Variants in MOXD1 observed in about 807,000 individuals in gnomAD.
The protein encoded by MOXD1 is monooxygenase DBH like 1, also known as DBH-like monooxygenase protein 1.
In MOXD1, 62 loss-of-function variants were observed where a neutral mutation model predicts 66.6. The ratio of observed to expected loss-of-function variants is 0.93; its 90% CI spans 0.76 to 1.15. The LOEUF (loss-of-function observed/expected upper bound fraction) is 1.15, where lower values mean the gene tolerates loss of function less well. MOXD1 is among the 50% of genes most tolerant of loss of function. The probability of loss-of-function intolerance (pLI) is 0.00; values close to 1 mark genes in which losing one functional copy is unlikely to be tolerated. For synonymous variants in MOXD1, 303 were observed against 281.9 expected (o/e 1.07, Z -0.75); for missense variants, 847 against 754.6 (o/e 1.12, Z -1.44).
chr6:132,365,023 C>T lies in MOXD1; in HGVS notation c.663+7585G>A, dbSNP rs542479428. 1.3e-4 allele frequency among the ~76,000 whole-genome samples: 20 copies of T among 152,226 alleles called. No individual in the cohort carries two copies. The South Asian group carries it at 4.2e-3, about 32-fold the overall frequency. On this transcript the variant is annotated intron_variant, in intron 4 of 11. Coordinates refer to ENST00000367963, the MANE Select transcript of MOXD1 (RefSeq NM_015529.4). ...GTTGTGAATACTTTACATTTGCAGC[C>T]TTTCTGTGTTTAGAACCAGCTGTTC...
At chr6:132,393,758 A>G (rs1335751233) in intron 1 of MOXD1, among the ~76,000 whole-genome samples, 1 of 152,186 alleles carries the variant, frequency 6.6e-6, no homozygotes, top group Non-Finnish European at 1.5e-5. Flanking sequence ...CTGCACCTCC[A>G]TATCCCTGGA....
chr6:132,331,905 C>T lies in MOXD1; in HGVS notation c.664-3311G>A, dbSNP rs192685628. 4.0e-3 allele frequency among the ~76,000 whole-genome samples: 606 copies of T among 152,268 alleles called. 5 individuals are homozygous for T. The highest frequency in any genetic ancestry group is 0.024 in the Middle Eastern group (7 of 294). On this transcript the variant is annotated intron_variant, in intron 4 of 11. Transcript: ENST00000367963. ...AGGCTTCAGTAAGGCAAGTTGCCGA[C>T]AGCTGTCATCAACAAGGGTGATGAC...
At chr6:132,353,503 G>A (rs1027965232) in intron 4 of MOXD1, among the ~76,000 whole-genome samples, 7 of 152,060 alleles carry the variant, frequency 4.6e-5, no homozygotes, top group Non-Finnish European at 7.4e-5. Context: ...ATTCCTTCTC[G>A]CTTGTAGGGT....
chr6:132,333,058 C>T (rs1183997261), intron 4 of MOXD1, among the ~76,000 whole-genome samples: 2 of 152,066 alleles, frequency 1.3e-5, no homozygotes, highest in African/African-American at 2.4e-5. Context: ...GAGGCTGGGC[C>T]GGGCGCTGTG....
intron 1 of MOXD1, among the ~76,000 whole-genome samples, chr6:132,388,447 G>C (rs1366999935): frequency 6.6e-6 from 1 of 151,354 alleles, no homozygotes; most frequent in African/African-American, 2.4e-5. Flanking sequence ...CAAGCACATG[G>C]AATCATTCCT....
chr6:132,376,976 G>A (rs1776395320), intron 1 of MOXD1, among the ~76,000 whole-genome samples: 1 of 152,206 alleles, frequency 6.6e-6, no homozygotes, highest in African/African-American at 2.4e-5. Context: ...TTTACAGCTA[G>A]TAAACCGAAA....
At chr6:132,324,970 C>T (rs1378302360) in intron 6 of MOXD1, 1 of 147,320 alleles carries the variant, frequency 6.8e-6, no homozygotes, top group African/African-American at 2.6e-5. Flanking sequence ...CACACACACA[C>T]ACACACACAC....
At chr6:132,389,486 A>G (rs1339761524) in intron 1 of MOXD1, among the ~76,000 whole-genome samples, 1 of 151,464 alleles carries the variant, frequency 6.6e-6, no homozygotes, top group Admixed American at 6.6e-5. Flanking sequence ...TAGTTACTCA[A>G]CTTGGCCCAC....
intron 4 of MOXD1, among the ~76,000 whole-genome samples, chr6:132,369,759 G>C (rs535652467): frequency 2.0e-5 from 3 of 152,116 alleles, no homozygotes; most frequent in Non-Finnish European, 2.9e-5. Flanking sequence ...CGTCCCAGCT[G>C]GAATGAAGCA....
chr6:132,364,770 C>G (rs989870254), intron 4 of MOXD1, among the ~76,000 whole-genome samples: 17 of 152,152 alleles, frequency 1.1e-4, no homozygotes, highest in African/African-American at 3.1e-4. Context: ...AAGCACTCTA[C>G]AGATACTGCC....
chr6:132,385,640 T>C (rs371372596), intron 1 of MOXD1, among the ~76,000 whole-genome samples: 2 of 151,688 alleles, frequency 1.3e-5, no homozygotes, highest in East Asian at 2.0e-4. Flanking sequence ...CCTGCCACCA[T>C]GCCTGGCTAA....
intron 4 of MOXD1, among the ~76,000 whole-genome samples, chr6:132,343,632 T>C (rs766963113): frequency 4.7e-4 from 72 of 151,718 alleles, no homozygotes; most frequent in Admixed American, 4.6e-4. Context: ...GAAAAAGGTG[T>C]TAAATAAATA....
At chr6:132,362,657 G>A (rs1582594953) in intron 4 of MOXD1, among the ~76,000 whole-genome samples, 1 of 152,118 alleles carries the variant, frequency 6.6e-6, no homozygotes, top group East Asian at 1.9e-4. Flanking sequence ...TAGCAAAGGG[G>A]AATCAAACAG....
chr6:132,369,976 C>G (rs987698899), intron 4 of MOXD1, among the ~76,000 whole-genome samples: 3 of 152,096 alleles, frequency 2.0e-5, no homozygotes, highest in African/African-American at 7.2e-5. Flanking sequence ...AATTAGACAC[C>G]AGAAAATGAA....
chr6:132,345,718 A>C (rs2114615178), intron 4 of MOXD1, among the ~76,000 whole-genome samples: 1 of 152,272 alleles, frequency 6.6e-6, no homozygotes, highest in South Asian at 2.1e-4. Flanking sequence ...CTGACTAGGA[A>C]GGATTTTGAG....
chr6:132,303,376 T>G (rs146389471), intron 10 of MOXD1, among the ~76,000 whole-genome samples: 96 of 152,128 alleles, frequency 6.3e-4, no homozygotes, highest in African/African-American at 2.3e-3. Flanking sequence ...AAATACACAG[T>G]TGCCCCTTGG....
chr6:132,367,681 T>C (rs1309667465), intron 4 of MOXD1, among the ~76,000 whole-genome samples: 6 of 152,078 alleles, frequency 3.9e-5, no homozygotes, highest in Non-Finnish European at 8.8e-5. Flanking sequence ...ATTAATAGTT[T>C]TGTAAGTGTC....
chr6:132,298,806 C>T (rs924496086), intron 10 of MOXD1, among the ~76,000 whole-genome samples: 7 of 151,956 alleles, frequency 4.6e-5, no homozygotes, highest in African/African-American at 1.7e-4. Flanking sequence ...AAAGACAATG[C>T]TTATACATTG....
At chr6:132,332,783 G>C (rs1020568851) in intron 4 of MOXD1, among the ~76,000 whole-genome samples, 1 of 152,170 alleles carries the variant, frequency 6.6e-6, no homozygotes, top group Non-Finnish European at 1.5e-5. Context: ...CCCACAACAA[G>C]TTCTACAAAC....
Sources: gnomAD v4.1 joint callset for allele counts (sites outside exome capture counted in the v4.1 genomes callset) on GRCh38, gnomAD v4.1.1 for gene constraint, MANE v1.5 for transcripts, NCBI Gene and HGNC (gene_info 2026-07-23, HGNC 2026-07-21) for gene names.